The following PLXNA4 variants were observed in gnomAD, a reference collection of about 807,000 sequenced individuals.
PLXNA4 encodes plexin A4.
Under a neutral mutation model 191.8 loss-of-function variants are expected in PLXNA4, and 44 were observed. The observed-to-expected ratio is 0.23, with a 90% CI of 0.18 to 0.29. PLXNA4 has a LOEUF of 0.29. Ranked by LOEUF, PLXNA4 falls within the 10% of genes least tolerant of loss-of-function variation. PLXNA4 has a pLI of 1.00. For missense variants in PLXNA4, 1,800 were observed against 2,488.8 expected, an observed-to-expected ratio of 0.72 and a Z score of 5.89; for synonymous variants, 1,082 against 1,009.5, an observed-to-expected ratio of 1.07 and a Z score of -1.36.
At chr7:132,134,104 G>T (rs747364840) in intron 30 of PLXNA4, among the ~76,000 whole-genome samples, 1 of 152,182 alleles carries the variant, frequency 6.6e-6, no homozygotes, top group African/African-American at 2.4e-5. Flanking sequence ...GCAGGGACTA[G>T]GGTGCATGAA....
chr7:132,376,436 C>G (rs895481791), intron 3 of PLXNA4, among the ~76,000 whole-genome samples: 2 of 152,194 alleles, frequency 1.3e-5, no homozygotes, highest in Admixed American at 6.5e-5. Context: ...ACACTTGGCT[C>G]AGCTCTCCAA....
rs1183264944 is a variant in PLXNA4 at position 132,507,939 on chromosome 7, T to C, written c.755A>G (p.Asn252Ser). 1 of 1,614,150 alleles carries C rather than the reference T, an allele frequency of 6.2e-7. No homozygotes were observed. Among genetic ancestry groups the C allele is most frequent in the South Asian group, 1.1e-5 (1 of 91,084 alleles). Reference sequence around the variant, plus strand: ...TTGGAGGGTCAAAAAGTAGACAAAGTTGCCACTGCTAAAACCATAGACATA... The same window carrying C: ...TTGGAGGGTCAAAAAGTAGACAAAGCTGCCACTGCTAAAACCATAGACATA... Reference protein sequence around the residue: ...IYYVYGFSSGNFVYFLTLQPE... With the variant: ...IYYVYGFSSGSFVYFLTLQPE... The change falls in exon 2 of 32, where the codon AAC becomes AGC. Residue 252 changes from asparagine to serine, a missense_variant. Physicochemically the swap from Asn to Ser is conservative, Grantham distance 46. Coordinates refer to ENST00000321063, the MANE Select transcript of PLXNA4 (RefSeq NM_020911.2).
At chr7:132,187,639 C>T (rs1796923357) in intron 14 of PLXNA4, 32 bp from the exon 15 acceptor site, 1 of 1,586,600 alleles carries the variant, frequency 6.3e-7, no homozygotes, top group Non-Finnish European at 8.6e-7. Context: ...TGAGACACAA[C>T]CAGGAAGGGG....
At chr7:132,575,418 C>T (rs1361873587) in intron 1 of PLXNA4, among the ~76,000 whole-genome samples, 1 of 152,198 alleles carries the variant, frequency 6.6e-6, no homozygotes, top group Non-Finnish European at 1.5e-5. Context: ...GGCAGTGCCG[C>T]CACGGTCGTG....
At chr7:132,545,226 A>T (rs1312815412) in intron 1 of PLXNA4, among the ~76,000 whole-genome samples, 1 of 152,196 alleles carries the variant, frequency 6.6e-6, no homozygotes, top group Non-Finnish European at 1.5e-5. Context: ...TACCTCCTGC[A>T]GTTACTTCAC....
At chr7:132,617,091 A>C (rs1434845610) in intron 2 of PLXNA4, among the ~76,000 whole-genome samples, 1 of 152,048 alleles carries the variant, frequency 6.6e-6, no homozygotes. Context: ...TGTTGGATTT[A>C]AGATATGGGG....
intron 29 of PLXNA4, among the ~76,000 whole-genome samples, chr7:132,141,573 G>C (rs760672069): frequency 2.0e-5 from 3 of 152,126 alleles, no homozygotes; most frequent in African/African-American, 7.2e-5. Context: ...ACTACATGCC[G>C]GGAGGACTGT....
chr7:132,133,961 A>T (rs961883319), intron 30 of PLXNA4, among the ~76,000 whole-genome samples: 33 of 152,122 alleles, frequency 2.2e-4, no homozygotes, highest in Admixed American at 6.5e-5. Context: ...GGGCATCATA[A>T]ACCTCAAGGC....
At chr7:132,494,573 C>T (rs970023554) in intron 2 of PLXNA4, among the ~76,000 whole-genome samples, 5 of 152,140 alleles carry the variant, frequency 3.3e-5, no homozygotes, top group African/African-American at 9.7e-5. Flanking sequence ...TCCCCAGGGG[C>T]CTGCCACGCA....
intron 3 of PLXNA4, chr7:132,384,486 C>T (rs543241208): frequency 6.7e-5 from 66 of 985,882 alleles, no homozygotes; most frequent in South Asian, 9.4e-5. Flanking sequence ...ACACTGCTCA[C>T]GCTTTGTTGT....
chr7:132,215,638 TCTC>T (rs1228781240), intron 9 of PLXNA4, among the ~76,000 whole-genome samples: 1 of 152,070 alleles, frequency 6.6e-6, no homozygotes, highest in Non-Finnish European at 1.5e-5. Context: ...ACTTCAGCCC[TCTC>T]CTCTGGGGAA....
intron 1 of PLXNA4, among the ~76,000 whole-genome samples, chr7:132,511,358 A>T (rs755779550): frequency 2.5e-4 from 38 of 152,182 alleles, no homozygotes; most frequent in Non-Finnish European, 4.6e-4. Flanking sequence ...CTGGGTTTGA[A>T]GTCCAGGTTT....
At chr7:132,238,176 G>A (rs1346606124) in intron 5 of PLXNA4, among the ~76,000 whole-genome samples, 1 of 152,192 alleles carries the variant, frequency 6.6e-6, no homozygotes, top group Non-Finnish European at 1.5e-5. Context: ...GCTGTTGGCA[G>A]TGAGGTCAAG....
At chr7:132,271,276 T>G (rs1209209823) in intron 4 of PLXNA4, 1 of 152,154 alleles carries the variant, frequency 6.6e-6, no homozygotes, top group African/African-American at 2.4e-5. Context: ...AGTTCCTGAA[T>G]TTTTGAAGCT....
intron 1 of PLXNA4, among the ~76,000 whole-genome samples, chr7:132,528,138 T>C (rs765724602): frequency 6.6e-5 from 10 of 152,202 alleles, no homozygotes; most frequent in Admixed American, 2.0e-4. Flanking sequence ...CAACTCGGGA[T>C]GGTCGGCTCG....
Position 132,179,847 on chromosome 7 carries a change from GGCGGGCAGGCTGA to G in PLXNA4, c.3701_3713del (p.Leu1234ProfsTer34). 6.2e-7 allele frequency: 1 copy of G among 1,613,570 alleles called. No individual in the cohort carries two copies. The highest frequency in any genetic ancestry group is 8.5e-7 in the Non-Finnish European group (1 of 1,179,972). On this transcript the variant is annotated frameshift_variant, in exon 20 of 32. Transcript: ENST00000321063. LOFTEE classifies it high-confidence loss of function. ...CGCCAGCCACTGCGATGCTGACGAT[GGCGGGCAGGCTGA>G]GCGGGCTGTCCGGGGCAATGTACAC...
Position 132,185,287 on chromosome 7 carries a change from G to A in PLXNA4, c.3158+12C>T, listed in dbSNP as rs1336651433. 2 of 1,608,054 alleles carry A rather than the reference G, an allele frequency of 1.2e-6. No homozygotes were observed. The highest frequency in any genetic ancestry group is 4.5e-5 in the East Asian group (2 of 44,722). On this transcript the variant is annotated intron_variant, in intron 16 of 31. Coordinates refer to ENST00000321063, the MANE Select transcript of PLXNA4 (RefSeq NM_020911.2). ...TGCAGAAGCATTAAGGTCCGCTTGG[G>A]CCAGCTCCTACCTGACAATGCTCCA...
chr7:132,475,430 G>T (rs1043972422), intron 3 of PLXNA4, among the ~76,000 whole-genome samples: 5 of 152,198 alleles, frequency 3.3e-5, no homozygotes, highest in Admixed American at 2.0e-4. Flanking sequence ...AAATGTTAGA[G>T]ATAGAGATGA....
At chr7:132,384,109 T>C (rs1585061875) in intron 3 of PLXNA4, 1 of 985,438 alleles carries the variant, frequency 1.0e-6, no homozygotes, top group African/African-American at 1.7e-5. Flanking sequence ...AGCACACAGA[T>C]GAAGGTTCTC....
Sources: gnomAD v4.1 joint callset for allele counts (sites outside exome capture counted in the v4.1 genomes callset) on GRCh38, gnomAD v4.1.1 for gene constraint, MANE v1.5 for transcripts, NCBI Gene and HGNC (gene_info 2026-07-23, HGNC 2026-07-21) for gene names.